PABIR2: variants seen among roughly 807,000 people sequenced by gnomAD.
PABIR2 encodes family with sequence similarity 122B.
PABIR2 carries 7 observed loss-of-function variants against 22.8 expected under a neutral mutation model. The observed-to-expected ratio is 0.31, with a 90% CI of 0.17 to 0.58. The LOEUF (loss-of-function observed/expected upper bound fraction) is 0.58, where lower values mean the gene tolerates loss of function less well. Ranked by LOEUF, PABIR2 falls within the 20% of genes least tolerant of loss-of-function variation. The probability of loss-of-function intolerance (pLI) is 0.89; values close to 1 mark genes in which losing one functional copy is unlikely to be tolerated. For synonymous variants in PABIR2, 67 were observed against 73.8 expected (o/e 0.91, Z 0.47); for missense variants, 155 against 205.1 (o/e 0.76, Z 1.49).
Position 134,785,969 on chromosome X carries a change from C to T in PABIR2, c.498-19G>A. On this transcript the variant is annotated intron_variant, in intron 7 of 9. Transcript: ENST00000343004. ...TCTCCTGCTTTGATGAAAAAACAAACAGGATAATGTGAAGAACATCCACGA... is the reference window on the plus strand; with the variant it reads ...TCTCCTGCTTTGATGAAAAAACAAATAGGATAATGTGAAGAACATCCACGA... 8.3e-7 allele frequency: 1 copy of T among 1,200,472 alleles called. No homozygotes were observed. The highest frequency in any genetic ancestry group is 1.1e-6 in the Non-Finnish European group (1 of 885,887).
At chrX:134,788,599 A>G (rs2079451005) in intron 6 of PABIR2, 131 bp downstream of exon 6, 1 of 347,293 alleles carries the variant, frequency 2.9e-6, no homozygotes, top group Non-Finnish European at 4.9e-6. Context: ...TATTTTCCAA[A>G]TTACTGCTGT....
At chrX:134,774,564 C>T (rs1385592523) in intron 9 of PABIR2, among the ~76,000 whole-genome samples, 4 of 110,728 alleles carry the variant, frequency 3.6e-5, no homozygotes, top group Admixed American at 2.9e-4. Context: ...TTCAAAAACA[C>T]AAAACATGAC....
intron 5 of PABIR2, 83 bp from the exon 6 acceptor site, chrX:134,788,914 C>A (rs1008006149): frequency 2.9e-6 from 3 of 1,026,124 alleles, no homozygotes; most frequent in Admixed American, 2.7e-5. Flanking sequence ...CCCAGATTTT[C>A]CAAGGAGAAA....
At chrX:134,779,351 A>T (rs190493381) in intron 9 of PABIR2, among the ~76,000 whole-genome samples, 1 of 111,503 alleles carries the variant, frequency 9.0e-6, no homozygotes, top group East Asian at 2.9e-4. Flanking sequence ...GCTTGAACCC[A>T]GGAGGCGGAG....
chrX:134,796,321 GCTAA>G lies in PABIR2; in HGVS notation c.-120_-117del. Reference sequence around the variant, plus strand: ...TGGGGACTGGCAGCTGGGGGCGGGGGCTAAGGGGCGGAGGCTTGGGGACGGGGGC... The same window carrying G: ...TGGGGACTGGCAGCTGGGGGCGGGGGGGGGCGGAGGCTTGGGGACGGGGGC... On this transcript the variant is annotated 5_prime_UTR_variant, in exon 1 of 10. Transcript: ENST00000343004. 5.6e-6 allele frequency: 1 copy of G among 178,540 alleles called. No individual in the cohort carries two copies. 14.7% of individuals were successfully genotyped at this position (178,540 alleles called of 1,213,427 possible). A position where few individuals can be genotyped will look rare whatever the true frequency, so the allele number is the denominator to read the frequency against.
intron 8 of PABIR2, among the ~76,000 whole-genome samples, chrX:134,785,446 AT>A (rs778945054): frequency 2.9e-4 from 30 of 104,189 alleles, no homozygotes; most frequent in Non-Finnish European, 2.4e-4. Flanking sequence ...ATCACAGTCA[AT>A]TTTTTTTTTT....
intron 4 of PABIR2, 30 bp from the exon 5 acceptor site, chrX:134,789,169 T>C (rs756120865): frequency 4.4e-5 from 53 of 1,210,740 alleles, no homozygotes; most frequent in Non-Finnish European, 8.9e-6. Flanking sequence ...GGGCCGTCAG[T>C]GTTTACAAAC....
intron 9 of PABIR2, among the ~76,000 whole-genome samples, chrX:134,777,706 C>T (rs2079023117): frequency 9.2e-6 from 1 of 109,000 alleles, no homozygotes; most frequent in Non-Finnish European, 1.9e-5. Context: ...CGTGGTGGCA[C>T]ATGCCTGTAA....
At position 134,770,561 on chromosome X, in the gene PABIR2, T is replaced by A. The variant is rs2078823475; in HGVS notation, c.*1578A>T. ...ATACTCTTCCTTTAAAATCCAAGGATCCTTGCCTTCAAAAGACACAAATGC... is the reference window on the plus strand; with the variant it reads ...ATACTCTTCCTTTAAAATCCAAGGAACCTTGCCTTCAAAAGACACAAATGC... On this transcript the variant is annotated 3_prime_UTR_variant, in exon 10 of 10. Transcript: ENST00000343004. The A allele has an allele frequency of 8.9e-6, 1 of 112,890 alleles. No homozygotes were observed. Among genetic ancestry groups the A allele is most frequent in the Non-Finnish European group, 1.9e-5 (1 of 53,339 alleles). 9.3% of individuals were successfully genotyped at this position (112,890 alleles called of 1,213,427 possible). A position where few individuals can be genotyped will look rare whatever the true frequency, so the allele number is the denominator to read the frequency against.
Position 134,771,450 on chromosome X carries a change from G to T in PABIR2, c.*689C>A. 1.8e-6 allele frequency: 2 copies of T among 1,083,290 alleles called. No homozygotes were observed. The highest frequency in any genetic ancestry group is 5.0e-5 in the South Asian group (2 of 39,746). The allele number at this position is 1,083,290 out of a possible 1,213,427, so 89.3% of individuals were successfully genotyped here. A position where few individuals can be genotyped will look rare whatever the true frequency, so the allele number is the denominator to read the frequency against. On this transcript the variant is annotated 3_prime_UTR_variant, in exon 10 of 10. Coordinates refer to ENST00000343004, the MANE Select transcript of PABIR2 (RefSeq NM_001387468.1). ...TAGCAAAGTCATAAGAACCTGTGAT[G>T]ACTAATCCAAGCATCCTGTAAGTCC... is the stretch of plus-strand genomic sequence containing the variant.
Position 134,796,424 on chromosome X carries a change from G to A in PABIR2, c.-219C>T. The A allele has an allele frequency of 2.6e-6, 1 of 384,811 alleles. No individual in the cohort carries two copies. The highest frequency in any genetic ancestry group is 4.5e-6 in the Non-Finnish European group (1 of 220,573). 31.7% of individuals were successfully genotyped at this position (384,811 alleles called of 1,213,427 possible). On this transcript the variant is annotated 5_prime_UTR_variant, in exon 1 of 10. Coordinates refer to ENST00000343004, the MANE Select transcript of PABIR2 (RefSeq NM_001387468.1). The stretch of plus-strand genomic sequence containing the variant: ...ATGATGAGGAAGGGAGGATGATGGT[G>A]AGGCAGGAGAGGAGGACGAAGAGGT...
At chrX:134,780,793 A>C (rs1289996034) in intron 9 of PABIR2, among the ~76,000 whole-genome samples, 3 of 112,143 alleles carry the variant, frequency 2.7e-5, no homozygotes, top group Non-Finnish European at 3.8e-5. Context: ...ATAGGAAAAG[A>C]AGTTAACGTT....
intron 6 of PABIR2, among the ~76,000 whole-genome samples, chrX:134,788,128 TTATA>T (rs920758254): frequency 2.9e-5 from 3 of 102,861 alleles, no homozygotes; most frequent in Non-Finnish European, 3.9e-5. Context: ...TATATACACG[TTATA>T]TATGTGTAAT....
chrX:134,778,830 T>C (rs1252441505), intron 9 of PABIR2, among the ~76,000 whole-genome samples: 2 of 110,452 alleles, frequency 1.8e-5, no homozygotes, highest in Non-Finnish European at 3.8e-5. Flanking sequence ...TTTTTTTTTT[T>C]GAGACAGAGT....
At position 134,771,067 on chromosome X, in the gene PABIR2, A is replaced by T; in HGVS notation, c.*1072T>A. ...AAAACACCATTCACCACATGACAAA[A>T]CAAACAAATCCAATGACAAAAAGGA... On this transcript the variant is annotated 3_prime_UTR_variant, in exon 10 of 10. Transcript: ENST00000343004. 2 of 321,740 alleles carry T rather than the reference A, an allele frequency of 6.2e-6. No individual in the cohort carries two copies. Among genetic ancestry groups the T allele is most frequent in the Non-Finnish European group, 1.1e-5 (2 of 185,842 alleles). 26.5% of individuals were successfully genotyped at this position (321,740 alleles called of 1,213,427 possible).
At chrX:134,793,561 C>T (rs1009262583) in intron 2 of PABIR2, 4 of 448,371 alleles carry the variant, frequency 8.9e-6, no homozygotes, top group African/African-American at 7.1e-5. Flanking sequence ...CCTCACAAGC[C>T]TGATGCAAGT....
rs751336171 is a variant in PABIR2 at position 134,781,838 on chromosome X, C to G, written c.642G>C (p.Leu214=). The G allele has an allele frequency of 6.7e-6, 8 of 1,194,691 alleles. No homozygotes were observed. The highest frequency in any genetic ancestry group is 3.5e-5 in the African/African-American group (2 of 56,986). The change falls in exon 9 of 10, where the codon CTG becomes CTC. Residue 214 remains leucine, a synonymous_variant. Transcript: ENST00000343004. ...TTTTTTACCATGAACTGAGATCAGA[C>G]AGTTGCGCGGCATCTGGAGATAACA... ...TNMLSPDAAQ[L]SDLSSCSDIL... is the part of the protein sequence containing the mutation.
chrX:134,778,504 CA>C (rs750595910), intron 9 of PABIR2, among the ~76,000 whole-genome samples: 1,489 of 32,973 alleles, frequency 0.045, 8 homozygotes, highest in Non-Finnish European at 0.061. Context: ...AACTCCGTCT[CA>C]AAAAAAAAAA....
chrX:134,781,415 G>A (rs748665424), intron 9 of PABIR2, among the ~76,000 whole-genome samples: 1 of 111,995 alleles, frequency 8.9e-6, no homozygotes, highest in Non-Finnish European at 1.9e-5. Context: ...TTGAGGTGAT[G>A]AAAAAATTTT....
Sources: gnomAD v4.1 joint callset for allele counts (sites outside exome capture counted in the v4.1 genomes callset) on GRCh38, gnomAD v4.1.1 for gene constraint, MANE v1.5 for transcripts, NCBI Gene and HGNC (gene_info 2026-07-23, HGNC 2026-07-21) for gene names.